Variants in HELLS observed in about 807,000 individuals in gnomAD.
The protein encoded by HELLS is lymphoid-specific helicase.
In HELLS, 32 loss-of-function variants were observed where a neutral mutation model predicts 120.0. The observed-to-expected ratio is 0.27, with a 90% confidence interval of 0.20 to 0.36. The LOEUF (loss-of-function observed/expected upper bound fraction) is 0.36, where lower values mean the gene tolerates loss of function less well. Among genes scored for constraint, HELLS ranks in the 10% least tolerant of loss-of-function variants. The pLI is 1.00. For missense variants in HELLS, 650 were observed against 993.4 expected, an observed-to-expected ratio of 0.65 and a Z score of 4.65; for synonymous variants, 341 against 323.4, an observed-to-expected ratio of 1.05 and a Z score of -0.58.
Position 94,583,076 on chromosome 10 carries a change from T to G in HELLS, c.1326+17T>G, listed in dbSNP as rs1844953628. ...CTGCACCAGGTTTTCCATGTTTTCT[T>G]ATTCTGCTTAACCATAGGCTCGATA... On this transcript the variant is annotated intron_variant, in intron 12 of 21. Transcript: ENST00000348459. The G allele has an allele frequency of 6.9e-7, 1 of 1,456,798 alleles. No homozygotes were observed. The allele number at this position is 1,456,798 out of a possible 1,614,324, so 90.2% of individuals were successfully genotyped here. A position where few individuals can be genotyped will look rare whatever the true frequency, so the allele number is the denominator to read the frequency against.
At chr10:94,573,810 TCTCCA>T in intron 7 of HELLS, 145 bp from the exon 8 acceptor site, 1 of 531,136 alleles carries the variant, frequency 1.9e-6, no homozygotes. Context: ...GATGGCGATG[TCTCCA>T]GTTTTTTAAT....
chr10:94,608,543 C>T (rs1846153862), intron 9 of HELLS, among the ~76,000 whole-genome samples: 1 of 151,982 alleles, frequency 6.6e-6, no homozygotes, highest in African/African-American at 2.4e-5. Flanking sequence ...TTAAAGTGGT[C>T]AAAGAAAGGT....
At chr10:94,610,434 TA>T (rs982384911) in exon 10 of HELLS, 407 of 140,024 alleles carry the variant, frequency 2.9e-3, no homozygotes, top group Admixed American at 3.6e-3. Flanking sequence ...GTTTCTTACT[TA>T]AAAAAAAAAA....
intron 9 of HELLS, among the ~76,000 whole-genome samples, chr10:94,575,256 T>A (rs1194898599): frequency 6.6e-6 from 1 of 151,744 alleles, no homozygotes; most frequent in Non-Finnish European, 1.5e-5. Flanking sequence ...TGTGCCACCA[T>A]GCCCAGCTAA....
chr10:94,584,483 G>A (rs1160187252), intron 12 of HELLS, among the ~76,000 whole-genome samples: 3 of 151,988 alleles, frequency 2.0e-5, no homozygotes, highest in Non-Finnish European at 4.4e-5. Context: ...TGAATTATTG[G>A]AGTAAATGAC....
chr10:94,579,178 T>C (rs1227152841), intron 10 of HELLS, among the ~76,000 whole-genome samples: 2 of 150,950 alleles, frequency 1.3e-5, no homozygotes, highest in Non-Finnish European at 2.9e-5. Flanking sequence ...CCTGTAATTC[T>C]ACCTGAGAAC....
chr10:94,562,621 C>A, intron 4 of HELLS, 70 bp from the exon 5 acceptor site: 1 of 1,041,946 alleles, frequency 9.6e-7, no homozygotes, highest in Non-Finnish European at 1.4e-6. Context: ...TCAAGTTAAT[C>A]AGTGCCTTTT....
chr10:94,588,476 C>T (rs747309907), intron 13 of HELLS, 86 bp downstream of exon 13: 57 of 975,746 alleles, frequency 5.8e-5, no homozygotes, highest in Non-Finnish European at 8.5e-5. Context: ...GAAGGTGTCG[C>T]TCTGTCACCC....
At chr10:94,574,841 G>T in intron 9 of HELLS, 105 bp downstream of exon 9, 5 of 862,964 alleles carry the variant, frequency 5.8e-6, no homozygotes, top group African/African-American at 5.1e-5. Context: ...ATTGGTTTCT[G>T]TATAAATATT....
At chr10:94,607,735 G>A (rs1156540690) in intron 8 of HELLS, among the ~76,000 whole-genome samples, 1 of 151,136 alleles carries the variant, frequency 6.6e-6, no homozygotes, top group Middle Eastern at 3.2e-3. Flanking sequence ...TTTTTGTCTT[G>A]TTTTTTTGAG....
intron 10 of HELLS, among the ~76,000 whole-genome samples, chr10:94,578,070 C>CAAAAAAAAAA (rs58732872): frequency 1.6e-5 from 1 of 60,840 alleles, no homozygotes; most frequent in African/African-American, 5.4e-5. Context: ...GACTCCGTCT[C>CAAAAAAAAAA]AAAAAAAAAA....
chr10:94,546,400 G>A lies in HELLS; in HGVS notation c.55G>A (p.Glu19Lys). The change falls in exon 2 of 22, where the codon GAA becomes AAA. Residue 19 changes from glutamate to lysine, a missense_variant. Glu to Lys is a moderately conservative substitution (Grantham distance 56). Transcript: ENST00000348459. ...SGGSEAPAMV[E>K]QLDTAVITPA... The stretch of plus-strand genomic sequence containing the variant: ...AGGCTCGGAGGCTCCAGCAATGGTT[G>A]AACAACTGGACACTGCTGTGATTAC... The A allele has an allele frequency of 6.2e-7, 1 of 1,614,164 alleles. No homozygotes were observed. The highest frequency in any genetic ancestry group is 2.2e-5 in the East Asian group (1 of 44,870).
At chr10:94,569,420 G>A (rs1844020083) in intron 6 of HELLS, 1 of 152,206 alleles carries the variant, frequency 6.6e-6, no homozygotes, top group Non-Finnish European at 1.5e-5. Flanking sequence ...CTGACCTTGT[G>A]ATTTGCCTGA....
downstream of HELLS, among the ~76,000 whole-genome samples, chr10:94,602,462 A>G (rs541092535): frequency 7.2e-5 from 11 of 152,280 alleles, no homozygotes; most frequent in African/African-American, 2.6e-4. Context: ...CACAATTTAG[A>G]CCCTGTGTGA....
chr10:94,594,961 G>A lies in HELLS; in HGVS notation c.2248+107G>A, dbSNP rs1427063912. 8.7e-6 allele frequency: 7 copies of A among 809,124 alleles called. No individual in the cohort carries two copies. In the East Asian group the frequency reaches 1.1e-4, roughly 12 times the overall value. 50.1% of individuals were successfully genotyped at this position (809,124 alleles called of 1,614,324 possible). A position where few individuals can be genotyped will look rare whatever the true frequency, so the allele number is the denominator to read the frequency against. ...TATTACAGCCTGGGCCGAGTTCTGT[G>A]TCTCACACCTGTAATCCTAGTACTT... On this transcript the variant is annotated intron_variant, in intron 19 of 21. Transcript: ENST00000348459.
intron 12 of HELLS, among the ~76,000 whole-genome samples, chr10:94,586,121 A>G (rs1167618054): frequency 6.9e-6 from 1 of 144,454 alleles, no homozygotes; most frequent in Non-Finnish European, 1.5e-5. Context: ...AATTTTATTT[A>G]TTTATTTTTA....
intron 15 of HELLS, 25 bp from the exon 16 acceptor site, chr10:94,592,204 T>G: frequency 6.5e-7 from 1 of 1,529,830 alleles, no homozygotes. Flanking sequence ...TCTCTCTATT[T>G]TTTCTTCCTT....
intron 10 of HELLS, among the ~76,000 whole-genome samples, chr10:94,579,204 T>C (rs1263671580): frequency 9.5e-6 from 1 of 105,782 alleles, no homozygotes; most frequent in African/African-American, 2.9e-5. Context: ...CTTTTTTCTT[T>C]TTTTTTTTTT....
chr10:94,608,530 C>T (rs534233673), intron 9 of HELLS, among the ~76,000 whole-genome samples: 13 of 152,202 alleles, frequency 8.5e-5, no homozygotes, highest in African/African-American at 1.2e-4. Flanking sequence ...ACAACTCATA[C>T]AATTAAAGTG....
Sources: allele counts gnomAD v4.1 joint callset (sites outside exome capture counted in the v4.1 genomes callset), GRCh38; gene constraint gnomAD v4.1.1; transcripts MANE v1.5; gene names NCBI Gene and HGNC (gene_info 2026-07-23, HGNC 2026-07-21).